Variants in MIA2 observed in about 807,000 individuals in gnomAD.
The protein encoded by MIA2 is melanoma inhibitory activity protein 2.
In MIA2, 127 loss-of-function variants were observed where a neutral mutation model predicts 167.8. That is an observed-to-expected ratio of 0.76 (90% CI 0.66 to 0.88). The LOEUF (loss-of-function observed/expected upper bound fraction) is 0.88. Among genes scored for constraint, MIA2 ranks in the 40% least tolerant of loss-of-function variants. The pLI is 0.00. For missense variants in MIA2, 1,690 were observed against 1,624.7 expected (o/e 1.04, Z -0.69); for synonymous variants, 552 against 541.9 (o/e 1.02, Z -0.26).
intron 23 of MIA2, among the ~76,000 whole-genome samples, chr14:39,357,252 T>C (rs941034417): frequency 1.3e-5 from 2 of 152,224 alleles, no homozygotes; most frequent in Admixed American, 6.5e-5. Context: ...TGGGCACATA[T>C]ATATTTAGGA....
At chr14:39,242,555 T>C (rs61998508) in intron 3 of MIA2, among the ~76,000 whole-genome samples, 9,706 of 151,852 alleles carry the variant, frequency 0.064, 430 homozygotes, top group South Asian at 0.18. Flanking sequence ...ACTCCTGACC[T>C]CAAGTGATCC....
chr14:39,240,711 A>G, intron 3 of MIA2, 64 bp downstream of exon 3: 2 of 1,144,902 alleles, frequency 1.7e-6, no homozygotes, highest in Non-Finnish European at 2.6e-6. Context: ...CAGTTTTCCC[A>G]GGTATCAGTG....
At chr14:39,244,068 C>T (rs538383658) in intron 3 of MIA2, among the ~76,000 whole-genome samples, 3 of 152,370 alleles carry the variant, frequency 2.0e-5, no homozygotes, top group South Asian at 4.1e-4. Flanking sequence ...GCATGCATTG[C>T]ATCTTTCTGG....
intron 7 of MIA2, among the ~76,000 whole-genome samples, chr14:39,277,738 A>ATGTGTG (rs2058324333): frequency 2.3e-3 from 9 of 3,904 alleles, no homozygotes; most frequent in Admixed American, 0.016. Context: ...ATATATATAT[A>ATGTGTG]TATATGTGTG....
chr14:39,293,264 C>G lies in MIA2; in HGVS notation c.2209-7C>G, dbSNP rs191701350. 7.4e-5 allele frequency: 119 copies of G among 1,597,328 alleles called. 1 individual carries two copies. In the Admixed American group the frequency reaches 2.0e-3, roughly 26 times the overall value. On this transcript the variant is annotated splice_region_variant and splice_polypyrimidine_tract_variant and intron_variant, in intron 10 of 28. Transcript: ENST00000640607. Reference sequence around the variant, plus strand: ...ATCTGTTTAATAAAGTTGGCTTTCTCTCTTAGGCAACCTGTGAAAAGCTGA... The same window carrying G: ...ATCTGTTTAATAAAGTTGGCTTTCTGTCTTAGGCAACCTGTGAAAAGCTGA...
Position 39,346,002 on chromosome 14 carries a change from A to G in MIA2, c.3754A>G (p.Asn1252Asp), listed in dbSNP as rs747060686. 1.6e-5 allele frequency: 25 copies of G among 1,612,676 alleles called. No individual in the cohort carries two copies. Among genetic ancestry groups the G allele is most frequent in the East Asian group, 4.5e-5 (2 of 44,796 alleles). The change falls in exon 26 of 29, where the codon AAT becomes GAT. Residue 1252 changes from asparagine to aspartate, a missense_variant. Transcript: ENST00000640607. Reference protein sequence around the residue: ...LSGPAELRSFNMPSLDKMDGS... With the variant: ...LSGPAELRSFDMPSLDKMDGS... ...TGGACCAGCAGAACTCAGAAGTTTTAATATGCCTTCTTTGGATAAAATGGG... is the reference window on the plus strand; with the variant it reads ...TGGACCAGCAGAACTCAGAAGTTTTGATATGCCTTCTTTGGATAAAATGGG...
chr14:39,283,816 T>G (rs1223642326), intron 9 of MIA2, among the ~76,000 whole-genome samples: 1 of 152,202 alleles, frequency 6.6e-6, no homozygotes, highest in Non-Finnish European at 1.5e-5. Flanking sequence ...CAGAGAAATA[T>G]CTATTTAAGT....
intron 24 of MIA2, among the ~76,000 whole-genome samples, chr14:39,325,975 A>G (rs2067467769): frequency 6.6e-6 from 1 of 152,124 alleles, no homozygotes; most frequent in Non-Finnish European, 1.5e-5. Context: ...CGACCTCCCA[A>G]AGTGCTGGGA....
intron 6 of MIA2, chr14:39,266,965 A>G: frequency 1.5e-6 from 1 of 688,480 alleles, no homozygotes; most frequent in South Asian, 5.9e-5. Flanking sequence ...CTCACACGAC[A>G]GCGCGGAGTA....
At chr14:39,380,547 G>T (rs376936960) in intron 23 of MIA2, among the ~76,000 whole-genome samples, 3 of 152,056 alleles carry the variant, frequency 2.0e-5, no homozygotes, top group East Asian at 3.9e-4. Flanking sequence ...ACAAAAATTA[G>T]CTGGGCATGG....
rs531915798 is a variant in MIA2 at position 39,350,446 on chromosome 14, T to G, written c.*182T>G. 88 of 442,868 alleles carry G rather than the reference T, an allele frequency of 2.0e-4. No homozygotes were observed. Among genetic ancestry groups the G allele is most frequent in the African/African-American group, 1.6e-3 (76 of 48,862 alleles). 27.4% of individuals were successfully genotyped at this position (442,868 alleles called of 1,614,324 possible). A position where few individuals can be genotyped will look rare whatever the true frequency, so the allele number is the denominator to read the frequency against. ...GAATCTTATGAGTAAATTATTTCAATTTTATTTTAGACGGTATAACTATTT... is the reference window on the plus strand; with the variant it reads ...GAATCTTATGAGTAAATTATTTCAAGTTTATTTTAGACGGTATAACTATTT... On this transcript the variant is annotated 3_prime_UTR_variant, in exon 29 of 29. Transcript: ENST00000640607.
At chr14:39,345,264 G>T (rs2072979429) in intron 25 of MIA2, among the ~76,000 whole-genome samples, 1 of 152,012 alleles carries the variant, frequency 6.6e-6, no homozygotes, top group South Asian at 2.1e-4. Context: ...AGTAGAGACA[G>T]GGTTTCACCA....
chr14:39,354,467 G>C (rs191723708), downstream of MIA2, among the ~76,000 whole-genome samples: 188 of 152,294 alleles, frequency 1.2e-3, no homozygotes, highest in Non-Finnish European at 1.6e-3. Context: ...ATTAGTCCTT[G>C]TCAGATGAGT....
intron 14 of MIA2, 42 bp from the exon 15 acceptor site, chr14:39,302,087 A>G: frequency 6.3e-7 from 1 of 1,591,714 alleles, no homozygotes; most frequent in Non-Finnish European, 8.6e-7. Context: ...TGTTAGCATA[A>G]GGCATTACCC....
At chr14:39,305,674 G>C (rs1427195704) in intron 17 of MIA2, among the ~76,000 whole-genome samples, 1 of 152,162 alleles carries the variant, frequency 6.6e-6, no homozygotes, top group Admixed American at 6.5e-5. Context: ...GGCGGCTCAC[G>C]CCTATAATCC....
chr14:39,327,091 A>G (rs2152994465), intron 25 of MIA2, 69 bp downstream of exon 25: 1 of 1,210,882 alleles, frequency 8.3e-7, no homozygotes, highest in East Asian at 2.8e-5. Flanking sequence ...CAGGAATGGA[A>G]GAAGGGAGGA....
At chr14:39,358,472 G>A (rs924059654) in intron 23 of MIA2, among the ~76,000 whole-genome samples, 1 of 151,998 alleles carries the variant, frequency 6.6e-6, no homozygotes, top group Non-Finnish European at 1.5e-5. Context: ...TTTTTTGAAG[G>A]TTTTTAACTT....
chr14:39,362,151 T>G (rs997405407), intron 23 of MIA2, among the ~76,000 whole-genome samples: 1 of 152,208 alleles, frequency 6.6e-6, no homozygotes, highest in Non-Finnish European at 1.5e-5. Flanking sequence ...ATAGTTTTGT[T>G]TTTTTGTTGT....
At chr14:39,326,521 A>G (rs907112140) in intron 24 of MIA2, among the ~76,000 whole-genome samples, 1 of 151,872 alleles carries the variant, frequency 6.6e-6, no homozygotes, top group Non-Finnish European at 1.5e-5. Context: ...AACTGCTAAG[A>G]TGACTGTTTT....
Sources: gnomAD v4.1 joint callset for allele counts (sites outside exome capture counted in the v4.1 genomes callset) on GRCh38, gnomAD v4.1.1 for gene constraint, MANE v1.5 for transcripts, NCBI Gene and HGNC (gene_info 2026-07-23, HGNC 2026-07-21) for gene names.